The following MTHFD2L variants were observed in gnomAD, a reference collection of about 807,000 sequenced individuals.
MTHFD2L encodes the protein bifunctional methylenetetrahydrofolate dehydrogenase/cyclohydrolase 2, mitochondrial.
Under a neutral mutation model 34.9 loss-of-function variants are expected in MTHFD2L, and 29 were observed. That is an observed-to-expected ratio of 0.83 (90% CI 0.62 to 1.13). The LOEUF (loss-of-function observed/expected upper bound fraction) is 1.13, where lower values mean the gene tolerates loss of function less well. Among genes scored for constraint, MTHFD2L ranks in the 50% most tolerant of loss-of-function variants. The probability of loss-of-function intolerance (pLI) is 0.00; values close to 1 mark genes in which losing one functional copy is unlikely to be tolerated. For missense variants in MTHFD2L, 481 were observed against 446.5 expected (o/e 1.08, Z -0.70); for synonymous variants, 167 against 155.7 (o/e 1.07, Z -0.54).
intron 6 of MTHFD2L, among the ~76,000 whole-genome samples, 160 bp downstream of exon 6, chr4:74,225,554 T>C (rs947323086): frequency 2.0e-5 from 3 of 152,162 alleles, no homozygotes; most frequent in Non-Finnish European, 2.9e-5. Flanking sequence ...TATCAGTCCA[T>C]TGTGCCTATG....
rs1369723546 is a variant in MTHFD2L, at chr4:74,248,678, G to T, written c.805+23284G>T. On this transcript the variant is annotated intron_variant, in intron 6 of 7. Coordinates refer to ENST00000325278, the MANE Select transcript of MTHFD2L (RefSeq NM_001144978.3). ...TGTGTCCCAGAGATTCTGGTATGTT[G>T]TGTCTTTGTTCTCATTGGTTTCAAA... Among the ~76,000 whole-genome samples the T allele has an allele frequency of 6.0e-5, 9 of 149,082 alleles. No individual in the cohort carries two copies. In the East Asian group the frequency reaches 1.6e-3, roughly 26 times the overall value.
intron 6 of MTHFD2L, among the ~76,000 whole-genome samples, chr4:74,258,273 G>A (rs1448910501): frequency 6.6e-6 from 1 of 152,104 alleles, no homozygotes; most frequent in African/African-American, 2.4e-5. Context: ...AGAGATAACT[G>A]CAGTCCTGAT....
intron 5 of MTHFD2L, among the ~76,000 whole-genome samples, chr4:74,220,290 G>A (rs193220821): frequency 5.7e-4 from 87 of 152,040 alleles, no homozygotes; most frequent in African/African-American, 1.8e-3. Context: ...TATAGTGAGT[G>A]AAAGAAAGAG....
At chr4:74,250,115 C>A (rs1743088767) in intron 6 of MTHFD2L, among the ~76,000 whole-genome samples, 1 of 152,172 alleles carries the variant, frequency 6.6e-6, no homozygotes, top group South Asian at 2.1e-4. Context: ...TTCAGGTACA[C>A]CAATCAGACG....
At chr4:74,266,819 G>A (rs1273866329) in intron 6 of MTHFD2L, 2 of 983,610 alleles carry the variant, frequency 2.0e-6, no homozygotes, top group African/African-American at 3.5e-5. Flanking sequence ...AAAGGTTGTA[G>A]GAGAAGGGAA....
At chr4:74,129,516 A>G (rs1368459678) in intron 1 of MTHFD2L, among the ~76,000 whole-genome samples, 1 of 152,198 alleles carries the variant, frequency 6.6e-6, no homozygotes, top group Non-Finnish European at 1.5e-5. Context: ...GCATAAATAA[A>G]TAAGTTATTT....
At chr4:74,292,919 T>G (rs936658924) in intron 7 of MTHFD2L, among the ~76,000 whole-genome samples, 12 of 152,114 alleles carry the variant, frequency 7.9e-5, no homozygotes, top group Non-Finnish European at 1.5e-4. Flanking sequence ...CAGAAAGCAA[T>G]CTCAAACTTT....
chr4:74,188,031 A>G (rs1431030904), intron 3 of MTHFD2L, among the ~76,000 whole-genome samples: 1 of 152,236 alleles, frequency 6.6e-6, no homozygotes, highest in Non-Finnish European at 1.5e-5. Context: ...ACTCAGCAAT[A>G]TTAAGGAACA....
chr4:74,200,069 CAG>C (rs1734162114), intron 4 of MTHFD2L, 123 bp downstream of exon 4: 1 of 815,406 alleles, frequency 1.2e-6, no homozygotes, highest in African/African-American at 1.7e-5. Flanking sequence ...CATAAAACGT[CAG>C]TGTACAGAGA....
chr4:74,152,288 A>T (rs1382625052), intron 1 of MTHFD2L, among the ~76,000 whole-genome samples: 3 of 151,864 alleles, frequency 2.0e-5, no homozygotes, highest in Non-Finnish European at 4.4e-5. Context: ...GCATAAAAAA[A>T]CTCTGCTTTA....
rs1331367186 is a variant in MTHFD2L, at chr4:74,246,402, C to T, written c.805+21008C>T. On this transcript the variant is annotated intron_variant, in intron 6 of 7. Transcript: ENST00000325278. ...GGCCCTTTGTCAGATGAGTAGGTTG[C>T]GAAAATTTTCTCCCATTTTGTAGGT... is the stretch of plus-strand genomic sequence containing the variant. Among the ~76,000 whole-genome samples, 17 of 151,578 alleles carry T rather than the reference C, an allele frequency of 1.1e-4. No individual in the cohort carries two copies. The East Asian group carries it at 1.4e-3, about 12-fold the overall frequency.
upstream of MTHFD2L, among the ~76,000 whole-genome samples, chr4:74,124,091 A>T (rs935059019): frequency 1.3e-5 from 2 of 152,046 alleles, no homozygotes; most frequent in Non-Finnish European, 2.9e-5. Flanking sequence ...TTAAAATTGA[A>T]CTAGGTAACC....
chr4:74,132,831 A>G (rs1722647570), intron 1 of MTHFD2L, among the ~76,000 whole-genome samples: 1 of 152,294 alleles, frequency 6.6e-6, no homozygotes, highest in Non-Finnish European at 1.5e-5. Context: ...AAAAATATCT[A>G]TTTTGAACAG....
intron 1 of MTHFD2L, among the ~76,000 whole-genome samples, chr4:74,126,578 T>C (rs1722088294): frequency 6.6e-6 from 1 of 152,110 alleles, no homozygotes; most frequent in African/African-American, 2.4e-5. Context: ...TGTGTGGCCA[T>C]AGACGTAAGA....
intron 4 of MTHFD2L, 35 bp from the exon 5 acceptor site, chr4:74,201,228 C>A: frequency 1.3e-6 from 2 of 1,504,330 alleles, no homozygotes; most frequent in South Asian, 2.3e-5. Context: ...TTCTTGTTGT[C>A]AATTCTGCAT....
intron 1 of MTHFD2L, among the ~76,000 whole-genome samples, chr4:74,134,673 C>A (rs1022357031): frequency 6.6e-6 from 1 of 151,984 alleles, no homozygotes; most frequent in Non-Finnish European, 1.5e-5. Flanking sequence ...ACTCTCTGAC[C>A]AAGAATTCAA....
chr4:74,270,129 G>A (rs188075289), intron 6 of MTHFD2L, among the ~76,000 whole-genome samples: 1 of 151,218 alleles, frequency 6.6e-6, no homozygotes, highest in East Asian at 1.9e-4. Context: ...ATTAGCTAGT[G>A]GTTTTCTTTT....
rs1374214040 is a variant in MTHFD2L at position 74,158,147 on chromosome 4, G to T, written c.9G>T (p.Val3=). 5 of 1,530,634 alleles carry T rather than the reference G, an allele frequency of 3.3e-6. No homozygotes were observed. The highest frequency in any genetic ancestry group is 3.5e-6 in the Non-Finnish European group (4 of 1,140,684). The allele number at this position is 1,530,634 out of a possible 1,614,324, so 94.8% of individuals were successfully genotyped here. The change falls in exon 1 of 8, where the codon GTG becomes GTT. Residue 3 remains valine (V), a synonymous_variant. Coordinates refer to ENST00000325278, the MANE Select transcript of MTHFD2L (RefSeq NM_001144978.3). ...GCCGGGGATCCGCGGCCATGACGGT[G>T]CCGGTCCGCGGCTTCTCGCTGCTCC... The part of the protein sequence containing the change: MT[V]PVRGFSLLRG...
chr4:74,272,043 A>T (rs1746063663), intron 6 of MTHFD2L, among the ~76,000 whole-genome samples: 2 of 152,178 alleles, frequency 1.3e-5, no homozygotes, highest in Non-Finnish European at 2.9e-5. Context: ...TACCCACAAA[A>T]ATTCTGGCAT....
Sources: gnomAD v4.1 joint callset for allele counts (sites outside exome capture counted in the v4.1 genomes callset) on GRCh38, gnomAD v4.1.1 for gene constraint, MANE v1.5 for transcripts, NCBI Gene and HGNC (gene_info 2026-07-23, HGNC 2026-07-21) for gene names.